Variants in ADAMTSL1 observed in about 807,000 individuals in gnomAD.
ADAMTSL1 encodes ADAMTS like 1.
Under a neutral mutation model 201.8 loss-of-function variants are expected in ADAMTSL1, and 126 were observed. That is an observed-to-expected ratio of 0.62 (90% CI 0.54 to 0.72). The LOEUF (loss-of-function observed/expected upper bound fraction) is 0.72, where lower values mean the gene tolerates loss of function less well. Ranked by LOEUF, ADAMTSL1 falls within the 30% of genes least tolerant of loss-of-function variation. The pLI is 0.00. For missense variants in ADAMTSL1, 2,679 were observed against 2,277.8 expected (o/e 1.18, Z -3.59); for synonymous variants, 1,121 against 903.4 (o/e 1.24, Z -4.32).
At chr9:17,994,385 G>A (rs758008647) in intron 1 of ADAMTSL1, among the ~76,000 whole-genome samples, 1 of 152,092 alleles carries the variant, frequency 6.6e-6, no homozygotes, top group Non-Finnish European at 1.5e-5. Flanking sequence ...TGACAAGAGA[G>A]ACCATAGCAA....
At chr9:18,146,005 AGGAAAATGCAAATTAAAACCAAG>A (rs1826623389) in intron 1 of ADAMTSL1, among the ~76,000 whole-genome samples, 1 of 152,190 alleles carries the variant, frequency 6.6e-6, no homozygotes, top group Non-Finnish European at 1.5e-5. Context: ...ATCTATCACT[AGGAAAATGCAAATTAAAACCAAG>A]GAGATACTAC....
intron 2 of ADAMTSL1, among the ~76,000 whole-genome samples, chr9:18,509,716 G>C (rs1022171832): frequency 6.6e-6 from 1 of 152,208 alleles, no homozygotes; most frequent in Non-Finnish European, 1.5e-5. Flanking sequence ...TACCATATTT[G>C]CTAGTATCTC....
chr9:18,170,909 T>C (rs186071812), intron 2 of ADAMTSL1, among the ~76,000 whole-genome samples: 2 of 152,186 alleles, frequency 1.3e-5, no homozygotes, highest in East Asian at 3.9e-4. Flanking sequence ...GTACCAGGAA[T>C]ACATCATCAA....
At chr9:18,847,221 G>A (rs530109672) in intron 23 of ADAMTSL1, among the ~76,000 whole-genome samples, 2 of 152,216 alleles carry the variant, frequency 1.3e-5, no homozygotes, top group East Asian at 3.9e-4. Flanking sequence ...CAGGAGTGGG[G>A]ACTGCTTTCT....
intron 2 of ADAMTSL1, among the ~76,000 whole-genome samples, chr9:18,357,407 A>G (rs1836301428): frequency 6.6e-6 from 1 of 152,168 alleles, no homozygotes; most frequent in Non-Finnish European, 1.5e-5. Flanking sequence ...GCAGAACATG[A>G]AAAAGGATGA....
chr9:18,800,848 G>A (rs556882999), intron 20 of ADAMTSL1, among the ~76,000 whole-genome samples: 119 of 152,184 alleles, frequency 7.8e-4, no homozygotes, highest in Non-Finnish European at 1.5e-3. Context: ...CTAGGACTCT[G>A]TAGTGGAACA....
intron 7 of ADAMTSL1, among the ~76,000 whole-genome samples, chr9:18,646,728 C>T (rs1348214461): frequency 6.6e-6 from 1 of 152,128 alleles, no homozygotes; most frequent in Non-Finnish European, 1.5e-5. Flanking sequence ...CCTTGCATCC[C>T]AAGGATGAAG....
intron 1 of ADAMTSL1, among the ~76,000 whole-genome samples, chr9:17,984,354 C>G (rs1295987678): frequency 2.0e-5 from 3 of 151,908 alleles, no homozygotes; most frequent in Non-Finnish European, 4.4e-5. Context: ...TCTCTGTGGT[C>G]TATTTACTGA....
chr9:18,712,216 T>A (rs925993341), intron 14 of ADAMTSL1, among the ~76,000 whole-genome samples: 16 of 152,196 alleles, frequency 1.1e-4, no homozygotes, highest in African/African-American at 3.9e-4. Flanking sequence ...GGATCACAGT[T>A]CCTCACCAGC....
intron 2 of ADAMTSL1, among the ~76,000 whole-genome samples, chr9:18,291,697 GCTCTCTCTCTCTCTCTCTTTCTCTCT>G (rs1213436251): frequency 7.5e-6 from 1 of 132,514 alleles, no homozygotes; most frequent in African/African-American, 3.1e-5. Flanking sequence ...GTGCGCACAT[GCTCTCTCTCTCTCTCTCTTTCTCTCT>G]CTCTCTCTCT....
intron 20 of ADAMTSL1, among the ~76,000 whole-genome samples, chr9:18,806,934 G>GT (rs1823167377): frequency 7.0e-6 from 1 of 143,434 alleles, no homozygotes; most frequent in Non-Finnish European, 1.5e-5. Context: ...CTCCTGTTGT[G>GT]TAAGAGCTGC....
intron 3 of ADAMTSL1, among the ~76,000 whole-genome samples, chr9:18,565,249 C>T (rs1359588092): frequency 6.6e-6 from 1 of 152,126 alleles, no homozygotes; most frequent in Non-Finnish European, 1.5e-5. Context: ...TCTTAGTAAA[C>T]ACATAGTAGG....
chr9:17,922,856 A>G (rs1305357245), intron 1 of ADAMTSL1, among the ~76,000 whole-genome samples: 1 of 152,130 alleles, frequency 6.6e-6, no homozygotes, highest in Non-Finnish European at 1.5e-5. Context: ...TGGTTTTCAG[A>G]TGTTTAGGAA....
intron 2 of ADAMTSL1, among the ~76,000 whole-genome samples, chr9:18,213,124 G>A (rs974515299): frequency 2.0e-5 from 3 of 152,162 alleles, no homozygotes; most frequent in South Asian, 4.1e-4. Flanking sequence ...CTTACCACAT[G>A]ACTTGAAAGA....
intron 2 of ADAMTSL1, among the ~76,000 whole-genome samples, chr9:18,433,153 CCCTT>C (rs1186821112): frequency 6.6e-6 from 1 of 151,982 alleles, no homozygotes; most frequent in East Asian, 1.9e-4. Flanking sequence ...CTTTTATAAA[CCCTT>C]CCCGTGCTGA....
chr9:18,268,326 C>G (rs905612086), intron 2 of ADAMTSL1, among the ~76,000 whole-genome samples: 2 of 152,176 alleles, frequency 1.3e-5, no homozygotes, highest in South Asian at 4.1e-4. Flanking sequence ...TCCCAAACCA[C>G]TGGTTTTCCC....
intron 26 of ADAMTSL1, chr9:18,905,545 C>T: frequency 1.9e-6 from 1 of 527,800 alleles, no homozygotes; most frequent in African/African-American, 1.9e-5. Context: ...ACTGGTTCTA[C>T]ACTACCATTA....
rs59026505 is a variant in ADAMTSL1, at chr9:18,254,345, G to GTTTTTTTTTT, written c.207+90390_207+90399dup. 1.4e-3 allele frequency among the ~76,000 whole-genome samples: 67 copies of GTTTTTTTTTT among 49,368 alleles called. 18 individuals carry two copies. Among genetic ancestry groups the GTTTTTTTTTT allele is most frequent in the Middle Eastern group, 0.048 (2 of 42 alleles). 32.4% of individuals were successfully genotyped at this position (49,368 alleles called of 152,430 possible). ...GGAACTACCGTCAATACTCTTTTTG[G>GTTTTTTTTTT]TTTTTTTTTTTTTTTTTTTTTTTTT... On this transcript the variant is annotated intron_variant, in intron 2 of 29. Transcript: ENST00000680146.
chr9:18,381,745 A>G (rs1837564564), intron 2 of ADAMTSL1, among the ~76,000 whole-genome samples: 2 of 152,156 alleles, frequency 1.3e-5, no homozygotes, highest in African/African-American at 4.8e-5. Context: ...GCCAATTTTT[A>G]AAACTATGTA....
Sources: allele counts gnomAD v4.1 joint callset (sites outside exome capture counted in the v4.1 genomes callset), GRCh38; gene constraint gnomAD v4.1.1; transcripts MANE v1.5; gene names NCBI Gene and HGNC (gene_info 2026-07-23, HGNC 2026-07-21).